RBFOX1: variants seen among roughly 807,000 people sequenced by gnomAD.
RBFOX1 encodes the protein RNA binding protein fox-1 homolog 1.
RBFOX1 carries 8 observed loss-of-function variants against 57.7 expected under a neutral mutation model. That is an observed-to-expected ratio of 0.14 (90% CI 0.08 to 0.25). RBFOX1 has a LOEUF of 0.25. Among genes scored for constraint, RBFOX1 ranks in the 10% least tolerant of loss-of-function variants. The pLI is 1.00. For missense variants in RBFOX1, 611 were observed against 548.5 expected, an observed-to-expected ratio of 1.11 and a Z score of -1.14; for synonymous variants, 326 against 222.4, an observed-to-expected ratio of 1.47 and a Z score of -4.15.
At chr16:5,861,116 G>C (rs2057202366) in intron 3 of RBFOX1, among the ~76,000 whole-genome samples, 1 of 152,182 alleles carries the variant, frequency 6.6e-6, no homozygotes, top group Non-Finnish European at 1.5e-5. Context: ...TCTATCACCA[G>C]GAGAGTTTGG....
chr16:6,763,349 C>G (rs1178392307), intron 3 of RBFOX1, among the ~76,000 whole-genome samples: 1 of 152,130 alleles, frequency 6.6e-6, no homozygotes, highest in Non-Finnish European at 1.5e-5. Context: ...AGCCCATCAC[C>G]AGTGATTACT....
At chr16:6,467,778 G>A (rs765949319) in intron 2 of RBFOX1, among the ~76,000 whole-genome samples, 5 of 152,074 alleles carry the variant, frequency 3.3e-5, no homozygotes, top group African/African-American at 4.8e-5. Context: ...ATTAGCTAGC[G>A]GTACTTAAGT....
Position 7,335,282 on chromosome 16 carries a change from G to C in RBFOX1, c.28-182865G>C, listed in dbSNP as rs925488364. On this transcript the variant is annotated intron_variant, in intron 4 of 15. Transcript: ENST00000550418. ...GTTTCTTCCTCACTCAGGAGGCAAA[G>C]TATTTCCTCTAGGGAATTAAGGTTC... 3.3e-5 allele frequency among the ~76,000 whole-genome samples: 5 copies of C among 152,172 alleles called. No individual in the cohort carries two copies. In the East Asian group the frequency reaches 7.7e-4, roughly 23 times the overall value.
intron 4 of RBFOX1, among the ~76,000 whole-genome samples, chr16:7,069,094 C>T (rs2056782166): frequency 6.6e-6 from 1 of 152,182 alleles, no homozygotes; most frequent in African/African-American, 2.4e-5. Flanking sequence ...GGCATCAGAT[C>T]CCTGACATTA....
intron 3 of RBFOX1, among the ~76,000 whole-genome samples, chr16:7,042,280 G>C (rs901961934): frequency 6.6e-6 from 1 of 152,194 alleles, no homozygotes; most frequent in Non-Finnish European, 1.5e-5. Context: ...GCGCAGATTG[G>C]GGAGGAGGGC....
chr16:5,902,852 G>A (rs1469176489), intron 4 of RBFOX1, among the ~76,000 whole-genome samples: 1 of 152,090 alleles, frequency 6.6e-6, no homozygotes. Context: ...CATTCACAAA[G>A]AGACCCCCAG....
intron 3 of RBFOX1, among the ~76,000 whole-genome samples, chr16:7,034,842 TTTTTTC>T: frequency 1.2e-5 from 1 of 84,010 alleles, no homozygotes; most frequent in Admixed American, 1.2e-4. Context: ...TTTTTTTTTC[TTTTTTC>T]TTTTTTTTTT....
intron 2 of RBFOX1, among the ~76,000 whole-genome samples, chr16:5,527,602 G>A (rs2044296189): frequency 6.6e-6 from 1 of 152,178 alleles, no homozygotes; most frequent in Non-Finnish European, 1.5e-5. Context: ...TAATTAACAT[G>A]TACATTATTA....
intron 3 of RBFOX1, among the ~76,000 whole-genome samples, chr16:6,909,509 C>T (rs527799239): frequency 6.6e-6 from 1 of 152,218 alleles, no homozygotes; most frequent in Non-Finnish European, 1.5e-5. Context: ...GTCTATCACA[C>T]TCTCTAAAGG....
At chr16:6,375,893 A>G (rs1355232757) in intron 2 of RBFOX1, among the ~76,000 whole-genome samples, 2 of 152,128 alleles carry the variant, frequency 1.3e-5, no homozygotes, top group African/African-American at 4.8e-5. Context: ...AAGACCTATT[A>G]TCCTACACAT....
intron 4 of RBFOX1, among the ~76,000 whole-genome samples, chr16:7,103,832 C>G (rs868413146): frequency 4.2e-4 from 64 of 152,208 alleles, no homozygotes; most frequent in African/African-American, 1.5e-3. Context: ...GCCTTTAACT[C>G]TTAGTCATGA....
At chr16:7,074,603 A>G (rs984124384) in intron 4 of RBFOX1, among the ~76,000 whole-genome samples, 18 of 152,204 alleles carry the variant, frequency 1.2e-4, no homozygotes, top group African/African-American at 4.3e-4. Context: ...ATTTAAATAC[A>G]TATAATTGGA....
chr16:5,647,715 G>A (rs1036518981), intron 3 of RBFOX1, among the ~76,000 whole-genome samples: 4 of 152,286 alleles, frequency 2.6e-5, no homozygotes, highest in East Asian at 3.9e-4. Context: ...AACCTGCAAC[G>A]CCAGGTTCAA....
chr16:7,104,844 A>C (rs2063299705), intron 4 of RBFOX1, among the ~76,000 whole-genome samples: 1 of 152,172 alleles, frequency 6.6e-6, no homozygotes, highest in African/African-American at 2.4e-5. Flanking sequence ...TCTTCAAGGG[A>C]GAACTCACTG....
intron 3 of RBFOX1, among the ~76,000 whole-genome samples, chr16:5,819,443 C>T (rs2055765868): frequency 6.6e-6 from 1 of 152,332 alleles, no homozygotes; most frequent in Admixed American, 6.5e-5. Flanking sequence ...CTATGCTCTG[C>T]TTCTGCTCTA....
At chr16:6,814,461 G>T (rs540787601) in intron 3 of RBFOX1, among the ~76,000 whole-genome samples, 1 of 152,188 alleles carries the variant, frequency 6.6e-6, no homozygotes, top group African/African-American at 2.4e-5. Context: ...GAACAAGGTA[G>T]ATGTGGCTTC....
At chr16:5,409,758 A>G (rs181858373) in intron 1 of RBFOX1, among the ~76,000 whole-genome samples, 8 of 152,122 alleles carry the variant, frequency 5.3e-5, no homozygotes, top group African/African-American at 1.9e-4. Flanking sequence ...TTAAAAATCA[A>G]CATGCAGGCT....
chr16:7,001,338 C>G (rs953769851), intron 3 of RBFOX1, among the ~76,000 whole-genome samples: 1 of 150,942 alleles, frequency 6.6e-6, no homozygotes, highest in Non-Finnish European at 1.5e-5. Flanking sequence ...TACCCTGGCC[C>G]TGACTCTGTG....
At chr16:7,025,154 C>T (rs1351125554) in intron 3 of RBFOX1, among the ~76,000 whole-genome samples, 15 of 152,178 alleles carry the variant, frequency 9.9e-5, no homozygotes. Context: ...GCCCTGAAGG[C>T]TGCTGCCTGC....
Sources: gnomAD v4.1 joint callset for allele counts (sites outside exome capture counted in the v4.1 genomes callset) on GRCh38, gnomAD v4.1.1 for gene constraint, MANE v1.5 for transcripts, NCBI Gene and HGNC (gene_info 2026-07-23, HGNC 2026-07-21) for gene names.